FAM200A: variants seen among roughly 807,000 people sequenced by gnomAD.
FAM200A encodes the protein protein FAM200A.
FAM200A carries 26 observed loss-of-function variants against 44.2 expected under a neutral mutation model. The observed-to-expected ratio is 0.59, with a 90% CI of 0.43 to 0.82. The LOEUF is 0.82. Among genes scored for constraint, FAM200A ranks in the 40% least tolerant of loss-of-function variants. The pLI is 0.00. For missense variants in FAM200A, 606 were observed against 669.5 expected (o/e 0.91, Z 1.05); for synonymous variants, 206 against 244.4 (o/e 0.84, Z 1.47).
intron 1 of FAM200A, among the ~76,000 whole-genome samples, chr7:99,558,113 C>G (rs1325288013): frequency 6.6e-6 from 1 of 152,208 alleles, no homozygotes; most frequent in Non-Finnish European, 1.5e-5. Context: ...CCCCTCCCGT[C>G]CCCGCTTTCC....
rs1022183450 is a variant in FAM200A, at chr7:99,549,094, A to G, written c.-99-588T>C. On this transcript the variant is annotated intron_variant, in intron 1 of 1. Coordinates refer to ENST00000449309, the MANE Select transcript of FAM200A (RefSeq NM_145111.4). ...AAAAAAAAAACAAAAAACAAAAAACAAAAAAAACCATCAGGTAGGGTACAT... is the reference window on the plus strand; with the variant it reads ...AAAAAAAAAACAAAAAACAAAAAACGAAAAAAACCATCAGGTAGGGTACAT... Among the ~76,000 whole-genome samples the G allele has an allele frequency of 1.2e-4, 5 of 42,102 alleles. No homozygotes were observed. The Admixed American group carries it at 1.3e-3, about 11-fold the overall frequency. The allele number at this position is 42,102 out of a possible 152,430, so 27.6% of individuals were successfully genotyped here. A position where few individuals can be genotyped will look rare whatever the true frequency, so the allele number is the denominator to read the frequency against.
Position 99,547,616 on chromosome 7 carries a change from T to A in FAM200A, c.792A>T (p.Ala264=), listed in dbSNP as rs1240890138. The change falls in exon 2 of 2, where the codon GCA becomes GCT. Residue 264 remains alanine, a synonymous_variant. Transcript: ENST00000449309. Reference sequence around the variant, plus strand: ...CTTTAATAAAATTAACAGTTTTCACTGCATTTTTCAATACATCCATCAGAC... The same window carrying A: ...CTTTAATAAAATTAACAGTTTTCACAGCATTTTTCAATACATCCATCAGAC... ...SPSLMDVLKN[A]VKTVNFIKGS... 6.4e-7 allele frequency: 1 copy of A among 1,551,348 alleles called. No individual in the cohort carries two copies. Among genetic ancestry groups the A allele is most frequent in the Non-Finnish European group, 8.7e-7 (1 of 1,146,920 alleles).
upstream of FAM200A, chr7:99,552,130 G>T (rs1802551120): frequency 1.0e-6 from 1 of 985,392 alleles, no homozygotes; most frequent in Non-Finnish European, 1.2e-6. Context: ...CCGGAAGTGC[G>T]TCACACCCGC....
upstream of FAM200A, among the ~76,000 whole-genome samples, chr7:99,556,868 T>G (rs1802696016): frequency 6.6e-6 from 1 of 152,136 alleles, no homozygotes; most frequent in Admixed American, 6.5e-5. Flanking sequence ...AAACCCCATC[T>G]CTACTAAAAA....
upstream of FAM200A, among the ~76,000 whole-genome samples, chr7:99,552,751 ACT>A (rs1371881117): frequency 6.6e-6 from 1 of 151,910 alleles, no homozygotes; most frequent in Admixed American, 6.6e-5. Flanking sequence ...CTGGGGCATG[ACT>A]CTAAAAGTTC....
upstream of FAM200A, among the ~76,000 whole-genome samples, chr7:99,554,284 G>A (rs1423250257): frequency 6.6e-6 from 1 of 151,942 alleles, no homozygotes; most frequent in Non-Finnish European, 1.5e-5. Context: ...TTCGAGACCA[G>A]CCTGAGCAAC....
chr7:99,555,445 G>C (rs1236613962), upstream of FAM200A, among the ~76,000 whole-genome samples: 1 of 152,086 alleles, frequency 6.6e-6, no homozygotes, highest in Non-Finnish European at 1.5e-5. Flanking sequence ...CCCAGTTTGT[G>C]GTACTTTGTT....
At chr7:99,549,764 T>C (rs988781107) in intron 1 of FAM200A, among the ~76,000 whole-genome samples, 9 of 152,058 alleles carry the variant, frequency 5.9e-5, no homozygotes, top group East Asian at 1.9e-4. Flanking sequence ...ATGGATGAAG[T>C]TGGAAACCAT....
chr7:99,546,628 G>A lies in FAM200A; in HGVS notation c.*58C>T. 3 of 1,437,820 alleles carry A rather than the reference G, an allele frequency of 2.1e-6. No individual in the cohort carries two copies. The highest frequency in any genetic ancestry group is 2.7e-6 in the Non-Finnish European group (3 of 1,098,374). The allele number at this position is 1,437,820 out of a possible 1,614,324, so 89.1% of individuals were successfully genotyped here. Reference sequence around the variant, plus strand: ...TGCCCACCTCGGTCTCCCACTGCTGGGATTACAGGCGTAAGCCACCACACC... The same window carrying A: ...TGCCCACCTCGGTCTCCCACTGCTGAGATTACAGGCGTAAGCCACCACACC... On this transcript the variant is annotated 3_prime_UTR_variant, in exon 2 of 2. Coordinates refer to ENST00000449309, the MANE Select transcript of FAM200A (RefSeq NM_145111.4).
At chr7:99,551,252 T>C (rs1397640194) in intron 1 of FAM200A, among the ~76,000 whole-genome samples, 2 of 151,792 alleles carry the variant, frequency 1.3e-5, no homozygotes, top group East Asian at 3.9e-4. Context: ...CAGGCTGGAG[T>C]GCAGTGACGC....
chr7:99,547,628 T>C lies in FAM200A; in HGVS notation c.780A>G (p.Val260=). ...TAACAGTTTTCACTGCATTTTTCAA[T>C]ACATCCATCAGACTTGGTGAAATTT... ...SKEISPSLMD[V]LKNAVKTVNF... The change falls in exon 2 of 2, where the codon GTA becomes GTG. Residue 260 remains valine (V), a synonymous_variant. Transcript: ENST00000449309. 6.4e-7 allele frequency: 1 copy of C among 1,551,356 alleles called. No individual in the cohort carries two copies. The highest frequency in any genetic ancestry group is 1.2e-5 in the South Asian group (1 of 83,874).
chr7:99,553,099 A>ATATTTTTTTT (rs1254408398), upstream of FAM200A, among the ~76,000 whole-genome samples: 1 of 61,418 alleles, frequency 1.6e-5, no homozygotes, highest in African/African-American at 9.9e-5. Flanking sequence ...ATATATATAT[A>ATATTTTTTTT]TTTTTTTTTT....
Position 99,548,515 on chromosome 7 carries a change from T to C in FAM200A, c.-99-9A>G, listed in dbSNP as rs986062291. 6 of 1,487,864 alleles carry C rather than the reference T, an allele frequency of 4.0e-6. No individual in the cohort carries two copies. Among genetic ancestry groups the C allele is most frequent in the Admixed American group, 2.6e-5 (1 of 38,076 alleles). The allele number at this position is 1,487,864 out of a possible 1,614,324, so 92.2% of individuals were successfully genotyped here. On this transcript the variant is annotated splice_polypyrimidine_tract_variant and intron_variant, in intron 1 of 1. Coordinates refer to ENST00000449309, the MANE Select transcript of FAM200A (RefSeq NM_145111.4). Reference sequence around the variant, plus strand: ...GATCAGGTTTTGCTATCCTGCAGGGTAGAAAAACGTAACAGCAGTATTAAA... The same window carrying C: ...GATCAGGTTTTGCTATCCTGCAGGGCAGAAAAACGTAACAGCAGTATTAAA...
At chr7:99,548,601 G>T in intron 1 of FAM200A, 95 bp from the exon 2 acceptor site, 2 of 1,071,256 alleles carry the variant, frequency 1.9e-6, no homozygotes, top group Non-Finnish European at 2.6e-6. Flanking sequence ...ATCTAGTGGT[G>T]TGACATGGTA....
intron 1 of FAM200A, among the ~76,000 whole-genome samples, chr7:99,550,837 G>T (rs1047115579): frequency 2.0e-5 from 3 of 152,142 alleles, no homozygotes; most frequent in South Asian, 4.1e-4. Context: ...CACTTTGGGA[G>T]GCCGAGGCGG....
At chr7:99,551,230 C>T (rs1417925189) in intron 1 of FAM200A, among the ~76,000 whole-genome samples, 1 of 152,000 alleles carries the variant, frequency 6.6e-6, no homozygotes, top group Non-Finnish European at 1.5e-5. Flanking sequence ...CTCACTCTCT[C>T]TCTCTGTCTC....
Position 99,551,915 on chromosome 7 carries a change from A to G in FAM200A, c.-161T>C. 2.0e-6 allele frequency: 2 copies of G among 985,506 alleles called. No individual in the cohort carries two copies. The highest frequency in any genetic ancestry group is 2.4e-6 in the Non-Finnish European group (2 of 830,002). 61.0% of individuals were successfully genotyped at this position (985,506 alleles called of 1,614,324 possible). On this transcript the variant is annotated 5_prime_UTR_variant, in exon 1 of 2. Transcript: ENST00000449309. ...TGCCACCGCCGAGGCTGGCGCGAGG[A>G]ACGGGGGCACGGACCCGCTTCCACT... is the stretch of plus-strand genomic sequence containing the variant.
chr7:99,553,059 AT>A (rs1032741467), upstream of FAM200A, among the ~76,000 whole-genome samples: 68 of 106,214 alleles, frequency 6.4e-4, 1 homozygote, highest in East Asian at 0.015. Flanking sequence ...ACATATATAT[AT>A]ATACACACAC....
At position 99,547,753 on chromosome 7, in the gene FAM200A, C is replaced by T. The variant is rs901506959; in HGVS notation, c.655G>A (p.Gly219Arg). 4.4e-5 allele frequency: 68 copies of T among 1,551,496 alleles called. No individual in the cohort carries two copies. Among genetic ancestry groups the T allele is most frequent in the Non-Finnish European group, 5.1e-5 (59 of 1,146,978 alleles). Reference sequence around the variant, plus strand: ...TTTTCAGTAAGTCTGCTGTGTTTTCCGGTCATATTTGCTGTTCCATCACTT... The same window carrying T: ...TTTTCAGTAAGTCTGCTGTGTTTTCTGGTCATATTTGCTGTTCCATCACTT... ...ISSDGTANMT[G>R]KHSRLTEKLL... The change falls in exon 2 of 2, where the codon GGA becomes AGA. Residue 219 changes from glycine (G) to arginine (R), a missense_variant. Coordinates refer to ENST00000449309, the MANE Select transcript of FAM200A (RefSeq NM_145111.4).
Sources: allele counts gnomAD v4.1 joint callset (sites outside exome capture counted in the v4.1 genomes callset), GRCh38; gene constraint gnomAD v4.1.1; transcripts MANE v1.5; gene names NCBI Gene and HGNC (gene_info 2026-07-23, HGNC 2026-07-21).